ZNF571: variants seen among roughly 807,000 people sequenced by gnomAD.
ZNF571 encodes zinc finger protein 571.
In ZNF571, 4 loss-of-function variants were observed where a neutral mutation model predicts 7.7. The observed-to-expected ratio is 0.52, with a 90% confidence interval of 0.25 to 1.18. The LOEUF (loss-of-function observed/expected upper bound fraction) is 1.18. ZNF571 is among the 50% of genes most tolerant of loss of function. The probability of loss-of-function intolerance (pLI) is 0.14; values close to 1 mark genes in which losing one functional copy is unlikely to be tolerated. For missense variants in ZNF571, 704 were observed against 726.9 expected, an observed-to-expected ratio of 0.97 and a Z score of 0.36; for synonymous variants, 251 against 232.4, an observed-to-expected ratio of 1.08 and a Z score of -0.73.
chr19:37,594,294 T>A (rs763966352), intron 1 of ZNF571: 4 of 152,008 alleles, frequency 2.6e-5, no homozygotes, highest in Non-Finnish European at 5.9e-5. Flanking sequence ...ACACGAGGAG[T>A]ACTGCGGCCC....
At chr19:37,574,181 G>A (rs12609696) in intron 3 of ZNF571, among the ~76,000 whole-genome samples, 1 of 152,132 alleles carries the variant, frequency 6.6e-6, no homozygotes, top group African/African-American at 2.4e-5. Flanking sequence ...ACACTTAATA[G>A]ATATGCCTTT....
intron 3 of ZNF571, among the ~76,000 whole-genome samples, chr19:37,572,599 A>G (rs2043101386): frequency 6.6e-6 from 1 of 152,186 alleles, no homozygotes; most frequent in East Asian, 1.9e-4. Flanking sequence ...CTTGGAATGT[A>G]TACGCCGCAG....
chr19:37,566,977 CTAAT>C (rs1015980057), intron 3 of ZNF571, among the ~76,000 whole-genome samples: 85 of 152,256 alleles, frequency 5.6e-4, no homozygotes, highest in African/African-American at 1.8e-3. Flanking sequence ...TACCACTCCC[CTAAT>C]TATTCATTTG....
At position 37,566,201 on chromosome 19, in the gene ZNF571, C is replaced by A. The variant is rs749343091; in HGVS notation, c.227G>T (p.Arg76Leu). ...ESLQWENMGK[R>L]INHHLQYNGL... ...ATTGTATTGAAGGTGATGGTTGATA[C>A]GTTTCCCCATATTCTCCCACTGGAG... The change falls in exon 4 of 4, where the codon CGT becomes CTT. Residue 76 changes from arginine to leucine, a missense_variant. Physicochemically the swap from Arg to Leu is moderately radical, Grantham distance 102 (BLOSUM62 -2). Coordinates refer to ENST00000451802, the MANE Select transcript of ZNF571 (RefSeq NM_016536.5). The A allele has an allele frequency of 5.0e-6, 8 of 1,613,804 alleles. No homozygotes were observed. The African/African-American group carries it at 1.1e-4, about 22-fold the overall frequency.
intron 3 of ZNF571, among the ~76,000 whole-genome samples, chr19:37,579,058 A>G (rs1427463730): frequency 1.3e-5 from 2 of 152,170 alleles, no homozygotes; most frequent in Non-Finnish European, 2.9e-5. Context: ...TGAACATTTC[A>G]CCTGCAGCCC....
At chr19:37,593,082 C>T (rs1485374453) in intron 1 of ZNF571, among the ~76,000 whole-genome samples, 1 of 151,504 alleles carries the variant, frequency 6.6e-6, no homozygotes, top group African/African-American at 2.4e-5. Context: ...CACGCTGTTA[C>T]ACCAACATAA....
intron 2 of ZNF571, chr19:37,584,304 A>G: frequency 3.4e-6 from 2 of 587,918 alleles, no homozygotes; most frequent in East Asian, 3.3e-5. Context: ...TCCATTATCC[A>G]GAAAGGTCTG....
At chr19:37,577,029 G>A (rs1011183037) in intron 3 of ZNF571, among the ~76,000 whole-genome samples, 1 of 151,978 alleles carries the variant, frequency 6.6e-6, no homozygotes, top group African/African-American at 2.4e-5. Context: ...TACATAAAAC[G>A]TTAGGTCATG....
intron 1 of ZNF571, among the ~76,000 whole-genome samples, chr19:37,592,083 C>T (rs990873028): frequency 3.3e-5 from 5 of 151,686 alleles, no homozygotes; most frequent in Admixed American, 2.6e-4. Context: ...CATGGTGAAA[C>T]CCCGTCTCTA....
In ZNF571 at chr19:37,584,095, C is replaced by T. The variant is rs2043574032; in HGVS notation, c.12G>A (p.Leu4=). 1 of 1,614,012 alleles carries T rather than the reference C, an allele frequency of 6.2e-7. No homozygotes were observed. Among genetic ancestry groups the T allele is most frequent in the Admixed American group, 1.7e-5 (1 of 60,018 alleles). Residue 4 remains leucine (L), a splice_region_variant and synonymous_variant, in exon 3 of 4, where the codon TTG becomes TTA. Transcript: ENST00000451802. The part of the protein sequence containing the change: MPH[L]LVTFRDVAID... ...TGGCCACATCCCTGAAAGTCACCAA[C>T]AACTGAAACAACAAATCCATTACAG...
intron 1 of ZNF571, among the ~76,000 whole-genome samples, chr19:37,588,625 G>T (rs1211527667): frequency 2.0e-5 from 3 of 152,130 alleles, no homozygotes; most frequent in Admixed American, 6.5e-5. Context: ...CACTACCTGG[G>T]TGACTGGATC....
intron 3 of ZNF571, among the ~76,000 whole-genome samples, chr19:37,577,108 C>T (rs547424316): frequency 6.6e-6 from 1 of 152,098 alleles, no homozygotes; most frequent in African/African-American, 2.4e-5. Context: ...TTACAACAAA[C>T]TTAATGAAAT....
Position 37,579,594 on chromosome 19 carries a change from G to C in ZNF571, c.136+4377C>G, listed in dbSNP as rs574247278. Among the ~76,000 whole-genome samples the C allele has an allele frequency of 2.4e-4, 37 of 152,238 alleles. No individual in the cohort carries two copies. The South Asian group carries it at 7.7e-3, about 32-fold the overall frequency. The stretch of plus-strand genomic sequence containing the variant: ...TCACCGTATAAAATAACTTAAGATG[G>C]CCTGATCTAGTACATGCAGAAGCCT... On this transcript the variant is annotated intron_variant, in intron 3 of 3. Transcript: ENST00000451802.
chr19:37,588,454 G>A (rs1044413909), intron 1 of ZNF571, among the ~76,000 whole-genome samples: 17 of 152,170 alleles, frequency 1.1e-4, no homozygotes, highest in Non-Finnish European at 2.2e-4. Flanking sequence ...AATTAACACA[G>A]AAACAAAACC....
intron 3 of ZNF571, among the ~76,000 whole-genome samples, chr19:37,572,645 G>T (rs1031079939): frequency 1.3e-5 from 2 of 152,142 alleles, no homozygotes; most frequent in Non-Finnish European, 2.9e-5. Context: ...AAGAAAGTAT[G>T]CAAGAACTGC....
chr19:37,567,052 G>A (rs941503926), intron 3 of ZNF571, among the ~76,000 whole-genome samples: 18 of 152,088 alleles, frequency 1.2e-4, no homozygotes, highest in Admixed American at 5.9e-4. Context: ...CTACAGTTTT[G>A]TCTTTAGAAT....
chr19:37,584,857 G>A (rs1158016579), intron 2 of ZNF571, among the ~76,000 whole-genome samples: 2 of 151,848 alleles, frequency 1.3e-5, no homozygotes, highest in Admixed American at 6.6e-5. Flanking sequence ...CCAGCTACTC[G>A]GGAGGCTGAG....
At chr19:37,594,194 G>C (rs1206627394) in intron 1 of ZNF571, 1 of 152,262 alleles carries the variant, frequency 6.6e-6, no homozygotes, top group Admixed American at 6.5e-5. Flanking sequence ...CTCACCATCA[G>C]GGAAACTTCA....
At position 37,565,527 on chromosome 19, in the gene ZNF571, G is replaced by C; in HGVS notation, c.901C>G (p.His301Asp). 3 of 1,613,712 alleles carry C rather than the reference G, an allele frequency of 1.9e-6. No homozygotes were observed. The highest frequency in any genetic ancestry group is 2.5e-6 in the Non-Finnish European group (3 of 1,179,868). The change falls in exon 4 of 4, where the codon CAT becomes GAT. Residue 301 changes from histidine (H) to aspartate (D), a missense_variant. Transcript: ENST00000451802. Reference sequence around the variant, plus strand: ...CACTCATAAGGTTTCTCACCACTATGAATTCTCTGATGGTAAGTAAGTTGA... The same window carrying C: ...CACTCATAAGGTTTCTCACCACTATCAATTCTCTGATGGTAAGTAAGTTGA... ...GSQLTYHQRI[H>D]SGEKPYECKE...
Sources: allele counts gnomAD v4.1 joint callset (sites outside exome capture counted in the v4.1 genomes callset), GRCh38; gene constraint gnomAD v4.1.1; transcripts MANE v1.5; gene names NCBI Gene and HGNC (gene_info 2026-07-23, HGNC 2026-07-21).